The following LPP variants were observed in gnomAD, a reference collection of about 807,000 sequenced individuals.
LPP encodes the protein LIM domain containing preferred translocation partner in lipoma, also known as lipoma-preferred partner.
Under a neutral mutation model 60.4 loss-of-function variants are expected in LPP, and 38 were observed. The ratio of observed to expected loss-of-function variants is 0.63; its 90% CI spans 0.49 to 0.83. The LOEUF (loss-of-function observed/expected upper bound fraction) is 0.83. LPP is among the 40% of genes least tolerant of loss of function. LPP has a pLI of 0.00. For synonymous variants in LPP, 328 were observed against 290.8 expected (o/e 1.13, Z -1.30); for missense variants, 902 against 783.6 (o/e 1.15, Z -1.80).
In LPP at chr3:188,878,023, AAAC is replaced by A. The variant is rs1411614174; in HGVS notation, c.*3547_*3549del. ...TTAAAGGATATGAAACTCTACATTT[AAAC>A]AAGTATTTTATATTTGGGTACAGAG... On this transcript the variant is annotated 3_prime_UTR_variant, in exon 12 of 12. Transcript: ENST00000617246. The A allele has an allele frequency of 1.8e-5, 4 of 217,630 alleles. No homozygotes were observed. The highest frequency in any genetic ancestry group is 3.7e-5 in the Non-Finnish European group (4 of 107,912). The allele number at this position is 217,630 out of a possible 1,614,324, so 13.5% of individuals were successfully genotyped here.
chr3:188,657,258 G>GTATATATATGTATATATATA (rs1853440733), intron 7 of LPP, among the ~76,000 whole-genome samples: 1 of 89,812 alleles, frequency 1.1e-5, no homozygotes, highest in African/African-American at 4.1e-5. Context: ...CTGTCAAGGT[G>GTATATATATGTATATATATA]TATATATATA....
intron 1 of LPP, among the ~76,000 whole-genome samples, chr3:188,188,426 C>T (rs1727213005): frequency 6.6e-6 from 1 of 152,176 alleles, no homozygotes; most frequent in African/African-American, 2.4e-5. Context: ...CCCCAGGGGT[C>T]AGCCAACACT....
At chr3:188,581,647 G>A (rs181927232) in intron 6 of LPP, among the ~76,000 whole-genome samples, 3 of 152,062 alleles carry the variant, frequency 2.0e-5, no homozygotes, top group East Asian at 1.9e-4. Context: ...TCACTCATCT[G>A]TAACTCTCAT....
chr3:188,432,704 A>ACC (rs1308945633), intron 4 of LPP, among the ~76,000 whole-genome samples: 1 of 152,052 alleles, frequency 6.6e-6, no homozygotes, highest in Non-Finnish European at 1.5e-5. Flanking sequence ...CTAGATAAAG[A>ACC]CCCAGGATCT....
chr3:188,221,844 A>C (rs1715902097), intron 1 of LPP, among the ~76,000 whole-genome samples: 1 of 152,244 alleles, frequency 6.6e-6, no homozygotes, highest in Non-Finnish European at 1.5e-5. Context: ...ATATGAAAAT[A>C]GCAGGAGTTT....
intron 8 of LPP, among the ~76,000 whole-genome samples, chr3:188,755,171 A>T (rs1338792683): frequency 6.6e-6 from 1 of 152,254 alleles, no homozygotes; most frequent in Non-Finnish European, 1.5e-5. Flanking sequence ...GTACAATATT[A>T]ATTTTGCTTG....
chr3:188,532,384 C>T (rs1343032240), intron 6 of LPP, among the ~76,000 whole-genome samples: 1 of 152,104 alleles, frequency 6.6e-6, no homozygotes, highest in African/African-American at 2.4e-5. Flanking sequence ...GAGATTGTGC[C>T]ACTGCACTCC....
intron 2 of LPP, among the ~76,000 whole-genome samples, chr3:188,275,839 C>T (rs1329960663): frequency 6.6e-6 from 1 of 152,094 alleles, no homozygotes; most frequent in East Asian, 1.9e-4. Context: ...CCACACCTGG[C>T]TAATTTTTTT....
chr3:188,674,434 T>G, intron 7 of LPP, among the ~76,000 whole-genome samples: 1 of 152,156 alleles, frequency 6.6e-6, no homozygotes, highest in African/African-American at 2.4e-5. Context: ...CCAATCTGCC[T>G]TGGGTATAGA....
rs1560607264 is a variant in LPP at position 188,592,547 on chromosome 3, T to TTTTGTTTTTTTTTTTTG, written c.430-16605_430-16604insTTTTTTTGTTTGTTTTT. ...CTACAATGAGTATCACTGTTTTTAG[T>TTTTGTTTTTTTTTTTTG]TTTGTTTTTGTTTTTTAAATGGAGT... On this transcript the variant is annotated intron_variant, in intron 6 of 11. Coordinates refer to ENST00000617246, the MANE Select transcript of LPP (RefSeq NM_001375462.1). Among the ~76,000 whole-genome samples the TTTTGTTTTTTTTTTTTG allele has an allele frequency of 5.6e-4, 62 of 111,668 alleles. 7 individuals carry two copies. Among genetic ancestry groups the TTTTGTTTTTTTTTTTTG allele is most frequent in the African/African-American group, 1.9e-3 (61 of 32,448 alleles). 73.3% of individuals were successfully genotyped at this position (111,668 alleles called of 152,430 possible).
chr3:188,180,566 T>C (rs1724647243), intron 1 of LPP: 1 of 154,392 alleles, frequency 6.5e-6, no homozygotes, highest in South Asian at 2.0e-4. Context: ...GTGTAGGACC[T>C]AGTCATAGTA....
At chr3:188,170,748 AT>A (rs1289037084) in intron 1 of LPP, among the ~76,000 whole-genome samples, 11 of 152,094 alleles carry the variant, frequency 7.2e-5, no homozygotes, top group Non-Finnish European at 1.3e-4. Context: ...ATTCTGGTGA[AT>A]CACCTGTGTC....
chr3:188,189,045 A>T (rs953160826), intron 1 of LPP, among the ~76,000 whole-genome samples: 1 of 152,150 alleles, frequency 6.6e-6, no homozygotes, highest in African/African-American at 2.4e-5. Flanking sequence ...ATACATCCAA[A>T]ATCTCACAGC....
At chr3:188,174,866 A>G (rs893164761) in intron 1 of LPP, among the ~76,000 whole-genome samples, 4 of 152,078 alleles carry the variant, frequency 2.6e-5, no homozygotes, top group South Asian at 4.1e-4. Flanking sequence ...ACTTCCTCTT[A>G]TGGTTCCATG....
At chr3:188,627,393 A>G (rs1461657521) in intron 7 of LPP, among the ~76,000 whole-genome samples, 1 of 152,192 alleles carries the variant, frequency 6.6e-6, no homozygotes, top group African/African-American at 2.4e-5. Flanking sequence ...GCTGTTTTCC[A>G]GAGTCCCATC....
At chr3:188,444,550 A>G (rs556733139) in intron 4 of LPP, among the ~76,000 whole-genome samples, 1 of 152,304 alleles carries the variant, frequency 6.6e-6, no homozygotes, top group Non-Finnish European at 1.5e-5. Context: ...AACCTAGGCA[A>G]TACCATTTAG....
At position 188,217,331 on chromosome 3, in the gene LPP, A is replaced by G. The variant is rs114156993; in HGVS notation, c.-189-8074A>G. ...GAAGGAGTTTGTGTTTGAGGAACAG[A>G]AGGAGACTGATGTGCTGGCAGGATG... On this transcript the variant is annotated intron_variant, in intron 1 of 11. Transcript: ENST00000617246. The surrounding 1 kb of genome is among the most constrained non-coding windows in gnomAD (Gnocchi z 4.0). Among the ~76,000 whole-genome samples, 987 of 152,254 alleles carry G rather than the reference A, an allele frequency of 6.5e-3. 19 individuals carry two copies. Among genetic ancestry groups the G allele is most frequent in the African/African-American group, 0.022 (906 of 41,540 alleles).
At position 188,669,002 on chromosome 3, in the gene LPP, T is replaced by C. The variant is rs141981220; in HGVS notation, c.1114-39265T>C. On this transcript the variant is annotated intron_variant, in intron 7 of 11. Coordinates refer to ENST00000617246, the MANE Select transcript of LPP (RefSeq NM_001375462.1). ...TGAATGATCATTATTTGTAAGATCT[T>C]AGGAGACCTGTCAAAGACAAGCACG... 5.2e-3 allele frequency among the ~76,000 whole-genome samples: 792 copies of C among 152,276 alleles called. 7 individuals are homozygous for C. Among genetic ancestry groups the C allele is most frequent in the African/African-American group, 0.018 (757 of 41,548 alleles).
chr3:188,732,528 C>A (rs75429570), intron 8 of LPP, among the ~76,000 whole-genome samples: 9 of 151,838 alleles, frequency 5.9e-5, no homozygotes, highest in East Asian at 2.0e-4. Context: ...GAGGCCGAGG[C>A]GGGTCACGGT....
Sources: allele counts gnomAD v4.1 joint callset (sites outside exome capture counted in the v4.1 genomes callset), GRCh38; gene constraint gnomAD v4.1.1; non-coding constraint Gnocchi (gnomAD v3.1); transcripts MANE v1.5; gene names NCBI Gene and HGNC (gene_info 2026-07-23, HGNC 2026-07-21).